KRABD3: variants seen among roughly 807,000 people sequenced by gnomAD.
KRABD3 encodes KRAB domain-containing protein 3.
At chr7:149,732,821 G>A in the KRABD3 span, among the ~76,000 whole-genome samples, 6 of 152,004 alleles carry the variant, frequency 3.9e-5, no homozygotes, top group East Asian at 5.8e-4. This position sits in a 1 kb window ranked among gnomAD's most constrained non-coding sequence, Gnocchi z 4.0. Flanking sequence ...GTGCTCCCAC[G>A]GCCTTGGCCT....
the KRABD3 span, chr7:149,730,660 C>T: frequency 2.7e-6 from 4 of 1,461,172 alleles, no homozygotes; most frequent in Admixed American, 6.4e-5. Context: ...TGTCGCTTTG[C>T]CTGGCTCTTG....
At chr7:149,730,153 C>T in the KRABD3 span, 3 of 1,522,586 alleles carry the variant, frequency 2.0e-6, no homozygotes, top group Non-Finnish European at 2.6e-6. Flanking sequence ...CCAGGGTCTG[C>T]CCCCAAGCCC....
chr7:149,734,366 T>C, the KRABD3 span: 1 of 315,350 alleles, frequency 3.2e-6, no homozygotes, highest in Non-Finnish European at 5.9e-6. Context: ...GTGCCCCACA[T>C]ATGCAGGGGG....
At chr7:149,723,471 AC>A in the KRABD3 span, 5 of 491,752 alleles carry the variant, frequency 1.0e-5, no homozygotes, top group Non-Finnish European at 3.6e-6. Context: ...TCAAACAGTG[AC>A]CCTGACAGCC....
At chr7:149,723,199 G>T in the KRABD3 span, among the ~76,000 whole-genome samples, 1 of 152,202 alleles carries the variant, frequency 6.6e-6, no homozygotes, top group Non-Finnish European at 1.5e-5. Flanking sequence ...CCTGACTTGG[G>T]ACCCGAGGGG....
the KRABD3 span, among the ~76,000 whole-genome samples, chr7:149,717,651 C>T: frequency 6.6e-6 from 1 of 152,084 alleles, no homozygotes; most frequent in African/African-American, 2.4e-5. Flanking sequence ...GGCCTCCGGG[C>T]CTCAGGCAGG....
the KRABD3 span, chr7:149,733,947 G>T: frequency 1.2e-4 from 197 of 1,599,694 alleles, no homozygotes; most frequent in Non-Finnish European, 1.6e-4. Context: ...ATCCCAGAGC[G>T]GCCCAAGGAG....
At chr7:149,729,922 A>G in the KRABD3 span, 8 of 1,267,968 alleles carry the variant, frequency 6.3e-6, no homozygotes, top group Non-Finnish European at 7.9e-6. Flanking sequence ...GACTTCCAGA[A>G]AGTTCCCCAG....
the KRABD3 span, chr7:149,731,668 A>G: frequency 6.2e-7 from 1 of 1,606,180 alleles, no homozygotes; most frequent in African/African-American, 1.3e-5. Flanking sequence ...TGCTCTTTCT[A>G]TAGGTACAGC....
the KRABD3 span, chr7:149,730,232 C>T: frequency 1.1e-5 from 18 of 1,567,300 alleles, no homozygotes; most frequent in African/African-American, 4.1e-5. Flanking sequence ...GCTTCGCCTG[C>T]GTGGGAGGCC....
the KRABD3 span, chr7:149,723,715 CAT>C: frequency 6.5e-7 from 1 of 1,546,056 alleles, no homozygotes; most frequent in Middle Eastern, 1.7e-4. Flanking sequence ...CAGGTGAAAA[CAT>C]GTTCCTTTTT....
At chr7:149,734,233 T>C in the KRABD3 span, 1 of 723,428 alleles carries the variant, frequency 1.4e-6, no homozygotes. Flanking sequence ...GAGGCTGCTG[T>C]GGGGGTGCCT....
the KRABD3 span, chr7:149,731,831 G>C: frequency 5.8e-5 from 81 of 1,396,688 alleles, no homozygotes; most frequent in Middle Eastern, 2.0e-4. Context: ...CAGAGCCCCA[G>C]CTTGGGGAAA....
chr7:149,728,626 CAG>C, the KRABD3 span: 16 of 1,613,664 alleles, frequency 9.9e-6, no homozygotes, highest in African/African-American at 8.0e-5. Flanking sequence ...CAGCAGCAGA[CAG>C]GGGACCGAGG....
chr7:149,725,634 C>T, the KRABD3 span: 1 of 877,922 alleles, frequency 1.1e-6, no homozygotes, highest in Non-Finnish European at 1.7e-6. Context: ...CACTCCCAAA[C>T]AGCCGCCCGC....
At chr7:149,730,431 G>A in the KRABD3 span, 2 of 1,590,782 alleles carry the variant, frequency 1.3e-6, no homozygotes, top group Non-Finnish European at 1.7e-6. Context: ...ACGTTAGAGA[G>A]GGACCGCCTT....
chr7:149,733,122 G>A, the KRABD3 span: 4 of 1,480,048 alleles, frequency 2.7e-6, no homozygotes, highest in Non-Finnish European at 3.6e-6. Flanking sequence ...GCAGAGTACT[G>A]AGCGCCCTTG....
chr7:149,725,549 C>A, the KRABD3 span: 2 of 1,472,178 alleles, frequency 1.4e-6, no homozygotes, highest in Non-Finnish European at 9.1e-7. Flanking sequence ...GAGGCAGATG[C>A]TGAGGACTGT....
the KRABD3 span, chr7:149,720,235 C>A: frequency 8.0e-7 from 1 of 1,252,652 alleles, no homozygotes; most frequent in East Asian, 2.6e-5. Flanking sequence ...TCCCTGCCTC[C>A]CCTACTGCAA....
Sources: gnomAD v4.1 joint callset for allele counts (sites outside exome capture counted in the v4.1 genomes callset) on GRCh38, gnomAD v4.1.1 for gene constraint, Gnocchi (gnomAD v3.1) non-coding constraint, MANE v1.5 for transcripts, NCBI Gene and HGNC (gene_info 2026-07-23, HGNC 2026-07-21) for gene names.